Variants in DIS3L2 observed in about 807,000 individuals in gnomAD.
The protein encoded by DIS3L2 is DIS3 like 3'-5' exoribonuclease 2, also known as DIS3-like exonuclease 2.
A neutral mutation model predicts 97.5 loss-of-function variants in DIS3L2; 34 were observed. The observed-to-expected ratio is 0.35, with a 90% confidence interval of 0.27 to 0.46. The LOEUF (loss-of-function observed/expected upper bound fraction) is 0.46, where lower values mean the gene tolerates loss of function less well. Ranked by LOEUF, DIS3L2 falls within the 20% of genes least tolerant of loss-of-function variation. The pLI is 1.00. For missense variants in DIS3L2, 1,038 were observed against 1,146.0 expected (o/e 0.91, Z 1.36); for synonymous variants, 435 against 445.2 (o/e 0.98, Z 0.29).
intron 5 of DIS3L2, among the ~76,000 whole-genome samples, chr2:232,084,408 C>A (rs1297615089): frequency 2.6e-5 from 4 of 152,106 alleles, no homozygotes; most frequent in Non-Finnish European, 4.4e-5. Context: ...AATCTGAAAT[C>A]TGAAATGCTT....
At chr2:232,176,598 T>C (rs1691163489) in intron 9 of DIS3L2, among the ~76,000 whole-genome samples, 1 of 151,714 alleles carries the variant, frequency 6.6e-6, no homozygotes, top group South Asian at 2.1e-4. Context: ...TGTTTTTGTT[T>C]TTTTCTTGAG....
In DIS3L2 at chr2:232,001,845, G is replaced by C. The variant is rs554423999; in HGVS notation, c.-93-12990G>C. On this transcript the variant is annotated intron_variant, in intron 1 of 20. Coordinates refer to ENST00000325385, the MANE Select transcript of DIS3L2 (RefSeq NM_152383.5). ...AAGCATTCTCCTGCCTCAGCCTCCT[G>C]AGTAGCTGGGATTACAGGCATGTGC... Among the ~76,000 whole-genome samples, 18 of 149,830 alleles carry C rather than the reference G, an allele frequency of 1.2e-4. No homozygotes were observed. In the East Asian group the frequency reaches 3.5e-3, roughly 29 times the overall value.
intron 13 of DIS3L2, among the ~76,000 whole-genome samples, chr2:232,282,240 G>GAGAAAAGT (rs1459312743): frequency 1.3e-5 from 2 of 151,888 alleles, no homozygotes; most frequent in African/African-American, 4.8e-5. Flanking sequence ...AACTTCAAAG[G>GAGAAAAGT]AGAAAAGTTG....
intron 14 of DIS3L2, among the ~76,000 whole-genome samples, chr2:232,327,109 C>G (rs1453859030): frequency 2.0e-5 from 3 of 152,228 alleles, no homozygotes; most frequent in African/African-American, 7.2e-5. Context: ...GAGCCTGGCT[C>G]AGCCCTGAGA....
chr2:232,042,106 C>G (rs757626927), intron 5 of DIS3L2, among the ~76,000 whole-genome samples: 133 of 152,052 alleles, frequency 8.7e-4, no homozygotes, highest in Middle Eastern at 3.2e-3. Flanking sequence ...TAACTTGAGT[C>G]TGAAAGAATA....
At chr2:232,057,731 C>T (rs1236722038) in intron 5 of DIS3L2, among the ~76,000 whole-genome samples, 1 of 152,102 alleles carries the variant, frequency 6.6e-6, no homozygotes, top group Non-Finnish European at 1.5e-5. Flanking sequence ...CCGAGATACT[C>T]GACCCACAGA....
chr2:232,083,509 TTTTGAGACAGAGTCTCACTCTG>T (rs1463237629), intron 5 of DIS3L2, among the ~76,000 whole-genome samples: 23 of 151,578 alleles, frequency 1.5e-4, no homozygotes, highest in Non-Finnish European at 3.2e-4. Context: ...TTTTTTTTTT[TTTTGAGACAGAGTCTCACTCTG>T]TTGCCCAGGC....
At chr2:232,156,510 A>G (rs996390976) in intron 8 of DIS3L2, among the ~76,000 whole-genome samples, 1 of 150,570 alleles carries the variant, frequency 6.6e-6, no homozygotes, top group African/African-American at 2.4e-5. Context: ...TTTTTAATAG[A>G]ATGTTTGGAT....
intron 5 of DIS3L2, among the ~76,000 whole-genome samples, chr2:232,081,172 T>C (rs1696379904): frequency 6.6e-6 from 1 of 152,158 alleles, no homozygotes; most frequent in South Asian, 2.1e-4. Flanking sequence ...AAAAAAATAC[T>C]TCGTAGGTGG....
intron 8 of DIS3L2, among the ~76,000 whole-genome samples, chr2:232,137,482 A>G (rs1250724825): frequency 6.6e-6 from 1 of 152,252 alleles, no homozygotes; most frequent in Non-Finnish European, 1.5e-5. Flanking sequence ...TATACAATCT[A>G]GAAAAGAGCC....
rs1693132632 is a variant in DIS3L2, at chr2:232,242,660, C to G, written c.1317+4015C>G. 2.0e-5 allele frequency among the ~76,000 whole-genome samples: 3 copies of G among 152,238 alleles called. No homozygotes were observed. The South Asian group carries it at 6.2e-4, about 32-fold the overall frequency. ...ATAAGGTTTTATAGTCTTGTTGGTA[C>G]CCCCACCCAGCTGCCTTGGGCAGTG... On this transcript the variant is annotated intron_variant, in intron 11 of 20. Coordinates refer to ENST00000325385, the MANE Select transcript of DIS3L2 (RefSeq NM_152383.5).
chr2:232,339,952 G>A (rs1410658672), downstream of DIS3L2, among the ~76,000 whole-genome samples: 1 of 152,268 alleles, frequency 6.6e-6, no homozygotes, highest in Non-Finnish European at 1.5e-5. Flanking sequence ...CTGGAGCCTG[G>A]CTAGGTATGG....
intron 2 of DIS3L2, 21 bp downstream of exon 2, chr2:232,015,000 T>G: frequency 6.2e-7 from 1 of 1,613,064 alleles, no homozygotes; most frequent in Non-Finnish European, 8.5e-7. Flanking sequence ...GAAAATGGAG[T>G]CTGCCTGAAT....
intron 6 of DIS3L2, among the ~76,000 whole-genome samples, chr2:232,097,559 C>T (rs1460961658): frequency 1.3e-5 from 2 of 152,170 alleles, no homozygotes; most frequent in Non-Finnish European, 2.9e-5. Context: ...CAGGCTTCCA[C>T]CAATGTTCAC....
intron 10 of DIS3L2, among the ~76,000 whole-genome samples, chr2:232,233,260 G>A (rs749702246): frequency 3.3e-5 from 5 of 152,206 alleles, no homozygotes; most frequent in Non-Finnish European, 5.9e-5. Context: ...TTGAGGCTGG[G>A]AAGTCCAAGA....
intron 1 of DIS3L2, among the ~76,000 whole-genome samples, chr2:231,994,423 G>A (rs774453622): frequency 2.8e-4 from 42 of 151,782 alleles, no homozygotes; most frequent in Non-Finnish European, 5.2e-4. Flanking sequence ...AAAGATCTTG[G>A]GACTTTGCTA....
intron 5 of DIS3L2, among the ~76,000 whole-genome samples, chr2:232,067,318 CAT>C (rs1050910039): frequency 4.6e-5 from 7 of 152,162 alleles, no homozygotes; most frequent in African/African-American, 1.4e-4. Flanking sequence ...GCATTGCACA[CAT>C]GTTAGCGTGT....
At chr2:232,166,144 G>T (rs1690806124) in intron 9 of DIS3L2, among the ~76,000 whole-genome samples, 1 of 151,822 alleles carries the variant, frequency 6.6e-6, no homozygotes, top group African/African-American at 2.4e-5. Context: ...AGTGGTGTGT[G>T]CCTACTTGGG....
intron 10 of DIS3L2, 70 bp downstream of exon 10, chr2:232,210,475 C>T (rs1692158795): frequency 2.2e-6 from 3 of 1,391,118 alleles, no homozygotes; most frequent in African/African-American, 1.4e-5. Context: ...AGCCTGGCTG[C>T]CCTGTGCTGC....
Sources: allele counts gnomAD v4.1 joint callset (sites outside exome capture counted in the v4.1 genomes callset), GRCh38; gene constraint gnomAD v4.1.1; transcripts MANE v1.5; gene names NCBI Gene and HGNC (gene_info 2026-07-23, HGNC 2026-07-21).